SCHIP1: variants seen among roughly 807,000 people sequenced by gnomAD.
SCHIP1 encodes the protein schwannomin interacting protein 1.
Under a neutral mutation model 29.7 loss-of-function variants are expected in SCHIP1, and 8 were observed. The ratio of observed to expected loss-of-function variants is 0.27; its 90% CI spans 0.16 to 0.49. The LOEUF (loss-of-function observed/expected upper bound fraction) is 0.49. SCHIP1 is among the 20% of genes least tolerant of loss of function. The pLI, the probability that SCHIP1 is intolerant of heterozygous loss-of-function variation, is 0.99. For missense variants in SCHIP1, 193 were observed against 294.6 expected, an observed-to-expected ratio of 0.66 and a Z score of 2.52; for synonymous variants, 76 against 94.9, an observed-to-expected ratio of 0.80 and a Z score of 1.16.
chr3:159,590,391 C>T, the SCHIP1 span, among the ~76,000 whole-genome samples: 23 of 152,224 alleles, frequency 1.5e-4, no homozygotes, highest in African/African-American at 4.6e-4. Flanking sequence ...GCCTGGCCAA[C>T]ATGGTGAAAC....
chr3:159,304,115 T>G, the SCHIP1 span, among the ~76,000 whole-genome samples: 2 of 152,002 alleles, frequency 1.3e-5, no homozygotes, highest in Non-Finnish European at 2.9e-5. Context: ...ATACGGTGTT[T>G]GGTTTTTTGT....
the SCHIP1 span, among the ~76,000 whole-genome samples, chr3:159,429,530 AC>A: frequency 6.6e-6 from 1 of 152,184 alleles, no homozygotes; most frequent in Non-Finnish European, 1.5e-5. Flanking sequence ...AGAGCAGGGA[AC>A]CATAATGAAA....
chr3:159,408,548 G>A, the SCHIP1 span, among the ~76,000 whole-genome samples: 1 of 152,060 alleles, frequency 6.6e-6, no homozygotes, highest in Non-Finnish European at 1.5e-5. Context: ...TCAACTATAT[G>A]CCAATAAATT....
chr3:159,333,743 T>C, the SCHIP1 span, among the ~76,000 whole-genome samples: 2 of 152,194 alleles, frequency 1.3e-5, no homozygotes, highest in Non-Finnish European at 2.9e-5. Flanking sequence ...ATCAACAAAA[T>C]ATCATAGGAT....
chr3:159,380,467 T>C, the SCHIP1 span, among the ~76,000 whole-genome samples: 2 of 152,194 alleles, frequency 1.3e-5, no homozygotes, highest in Non-Finnish European at 1.5e-5. Flanking sequence ...CTTATTTCTT[T>C]TCGTAAAAAA....
the SCHIP1 span, among the ~76,000 whole-genome samples, chr3:159,821,428 G>T: frequency 6.6e-6 from 1 of 152,188 alleles, no homozygotes; most frequent in African/African-American, 2.4e-5. Context: ...TGATCATACA[G>T]TCATTCCCCC....
At chr3:159,824,248 A>G in the SCHIP1 span, among the ~76,000 whole-genome samples, 1 of 152,224 alleles carries the variant, frequency 6.6e-6, no homozygotes, top group East Asian at 1.9e-4. Context: ...CAAACAGAGC[A>G]TTGAATTCTT....
At chr3:159,601,699 A>G in the SCHIP1 span, among the ~76,000 whole-genome samples, 1 of 152,198 alleles carries the variant, frequency 6.6e-6, no homozygotes, top group Non-Finnish European at 1.5e-5. Context: ...GGGCTCTGGA[A>G]AGCAAACACT....
chr3:159,398,943 A>T, the SCHIP1 span: 1 of 983,632 alleles, frequency 1.0e-6, no homozygotes. Flanking sequence ...GTAGAGGATT[A>T]TTCAAACAAG....
the SCHIP1 span, among the ~76,000 whole-genome samples, chr3:159,439,866 C>T: frequency 1.3e-5 from 2 of 152,122 alleles, no homozygotes; most frequent in African/African-American, 4.8e-5. Flanking sequence ...TTTTGCTGTG[C>T]AGAAGCTCAT....
At chr3:159,655,082 C>A in the SCHIP1 span, among the ~76,000 whole-genome samples, 1 of 152,196 alleles carries the variant, frequency 6.6e-6, no homozygotes, top group Non-Finnish European at 1.5e-5. Context: ...GGGTTCAACT[C>A]CCAGCTCTAC....
chr3:159,561,497 A>G, the SCHIP1 span, among the ~76,000 whole-genome samples: 4 of 152,354 alleles, frequency 2.6e-5, no homozygotes, highest in East Asian at 7.7e-4. Flanking sequence ...ACTGTCATGA[A>G]TATACAGACA....
chr3:159,423,590 G>A, the SCHIP1 span, among the ~76,000 whole-genome samples: 1 of 152,236 alleles, frequency 6.6e-6, no homozygotes, highest in Non-Finnish European at 1.5e-5. Context: ...ACAGCTCAAG[G>A]AGGCCTGCCT....
At chr3:159,471,669 A>G in the SCHIP1 span, among the ~76,000 whole-genome samples, 4 of 152,170 alleles carry the variant, frequency 2.6e-5, no homozygotes, top group African/African-American at 9.6e-5. Flanking sequence ...TATGTTTATT[A>G]TTGTACAATG....
the SCHIP1 span, among the ~76,000 whole-genome samples, chr3:159,586,131 GAA>G: frequency 6.8e-6 from 1 of 146,524 alleles, no homozygotes. Context: ...TTTGCAATTG[GAA>G]AAAAAAAAAT....
the SCHIP1 span, among the ~76,000 whole-genome samples, chr3:159,531,569 A>G: frequency 2.0e-5 from 3 of 152,260 alleles, no homozygotes; most frequent in South Asian, 6.2e-4. Flanking sequence ...ACAAAAACTG[A>G]TGGGCCAGTG....
At chr3:159,498,350 G>C in the SCHIP1 span, among the ~76,000 whole-genome samples, 1 of 152,132 alleles carries the variant, frequency 6.6e-6, no homozygotes, top group African/African-American at 2.4e-5. Context: ...TGCAAAAGAA[G>C]AACAACCAGT....
chr3:159,509,039 T>G, the SCHIP1 span, among the ~76,000 whole-genome samples: 1 of 151,918 alleles, frequency 6.6e-6, no homozygotes, highest in Non-Finnish European at 1.5e-5. Flanking sequence ...CTTTCTGTCT[T>G]GTTGATCTGT....
At chr3:159,384,387 T>C in the SCHIP1 span, among the ~76,000 whole-genome samples, 1 of 151,980 alleles carries the variant, frequency 6.6e-6, no homozygotes, top group Non-Finnish European at 1.5e-5. Flanking sequence ...TTGTCTTTGG[T>C]TCTGTTTATA....
Sources: gnomAD v4.1 joint callset for allele counts (sites outside exome capture counted in the v4.1 genomes callset) on GRCh38, gnomAD v4.1.1 for gene constraint, MANE v1.5 for transcripts, NCBI Gene and HGNC (gene_info 2026-07-23, HGNC 2026-07-21) for gene names.